Variants in NTN4 observed in about 807,000 individuals in gnomAD.
NTN4 encodes netrin 4.
Under a neutral mutation model 73.6 loss-of-function variants are expected in NTN4, and 32 were observed. The ratio of observed to expected loss-of-function variants is 0.44; its 90% CI spans 0.33 to 0.58. The LOEUF is 0.58. NTN4 is among the 20% of genes least tolerant of loss of function. The pLI is 0.04. For synonymous variants in NTN4, 258 were observed against 287.5 expected (o/e 0.90, Z 1.04); for missense variants, 654 against 798.3 (o/e 0.82, Z 2.18).
intron 2 of NTN4, among the ~76,000 whole-genome samples, chr12:95,785,470 T>C (rs2079160360): frequency 6.6e-6 from 1 of 152,228 alleles, no homozygotes; most frequent in Non-Finnish European, 1.5e-5. Flanking sequence ...TTGGGGACCA[T>C]GAAGAATGGA....
chr12:95,724,052 G>C (rs1000389697), intron 3 of NTN4, among the ~76,000 whole-genome samples: 1 of 152,116 alleles, frequency 6.6e-6, no homozygotes, highest in Middle Eastern at 3.4e-3. Context: ...AATACTTGAG[G>C]ATTTACTTCT....
At chr12:95,775,570 A>C (rs1413804447) in intron 2 of NTN4, among the ~76,000 whole-genome samples, 1 of 152,240 alleles carries the variant, frequency 6.6e-6, no homozygotes, top group Admixed American at 6.5e-5. Context: ...ACGCCCACAG[A>C]GCCTCACTCA....
chr12:95,665,704 A>T, intron 9 of NTN4, 106 bp downstream of exon 9: 1 of 794,062 alleles, frequency 1.3e-6, no homozygotes, highest in Non-Finnish European at 2.0e-6. Context: ...TGAAAGGGAG[A>T]GATGTTCTTG....
At chr12:95,692,851 G>A (rs2078411189) in intron 5 of NTN4, among the ~76,000 whole-genome samples, 1 of 152,204 alleles carries the variant, frequency 6.6e-6, no homozygotes, top group Non-Finnish European at 1.5e-5. Flanking sequence ...TTCTGGTGAT[G>A]AGGCTTATTA....
At chr12:95,753,664 A>C (rs2078926678) in intron 2 of NTN4, among the ~76,000 whole-genome samples, 1 of 151,388 alleles carries the variant, frequency 6.6e-6, no homozygotes, top group Non-Finnish European at 1.5e-5. Flanking sequence ...CTTCAAGAAA[A>C]GTAGAACGGA....
At chr12:95,767,844 T>C (rs2079030729) in intron 2 of NTN4, among the ~76,000 whole-genome samples, 1 of 152,180 alleles carries the variant, frequency 6.6e-6, no homozygotes, top group South Asian at 2.1e-4. Flanking sequence ...ATACTGGGAA[T>C]AGAGCCTGTG....
At chr12:95,662,883 C>T (rs1454185998) in intron 9 of NTN4, among the ~76,000 whole-genome samples, 5 of 152,030 alleles carry the variant, frequency 3.3e-5, no homozygotes, top group South Asian at 4.2e-4. Context: ...TTTGGGAGGC[C>T]GAGGTGGGAG....
At chr12:95,725,677 G>T (rs1264640242) in intron 3 of NTN4, among the ~76,000 whole-genome samples, 1 of 152,062 alleles carries the variant, frequency 6.6e-6, no homozygotes, top group African/African-American at 2.4e-5. Context: ...AGTTACTAGG[G>T]CATGTTGTCT....
chr12:95,705,891 T>G lies in NTN4; in HGVS notation c.1180+4550A>C, dbSNP rs1179331879. On this transcript the variant is annotated intron_variant, in intron 5 of 9. Transcript: ENST00000343702. Reference sequence around the variant, plus strand: ...TAGCACACCTAGCACATAGTAGCACTGAGTAAGAATGAGTTGAGTGAAGGA... The same window carrying G: ...TAGCACACCTAGCACATAGTAGCACGGAGTAAGAATGAGTTGAGTGAAGGA... Among the ~76,000 whole-genome samples, 2 of 152,228 alleles carry G rather than the reference T, an allele frequency of 1.3e-5. 1 individual carries two copies. The highest frequency in any genetic ancestry group is 1.3e-4 in the Admixed American group (2 of 15,282).
intron 3 of NTN4, among the ~76,000 whole-genome samples, chr12:95,736,755 A>G (rs2078780914): frequency 6.6e-6 from 1 of 152,196 alleles, no homozygotes; most frequent in Admixed American, 6.5e-5. Flanking sequence ...TACAAGTAAT[A>G]GCACTGTTTC....
chr12:95,775,322 TGGACAGTGGGTGCA>T (rs1208333448), intron 2 of NTN4, among the ~76,000 whole-genome samples: 2 of 151,976 alleles, frequency 1.3e-5, no homozygotes, highest in Non-Finnish European at 1.5e-5. Flanking sequence ...TGGGGCTTGT[TGGACAGTGGGTGCA>T]GGACAGTGGG....
intron 7 of NTN4, among the ~76,000 whole-genome samples, chr12:95,682,057 CTTTTTTTTTT>C (rs557973212): frequency 3.1e-5 from 2 of 64,546 alleles, no homozygotes; most frequent in African/African-American, 1.4e-4. Context: ...ATTCAGTAGG[CTTTTTTTTTT>C]TTTTTTTTTT....
chr12:95,787,860 T>C (rs542669349), intron 1 of NTN4, among the ~76,000 whole-genome samples: 385 of 152,360 alleles, frequency 2.5e-3, no homozygotes, highest in African/African-American at 8.9e-3. Flanking sequence ...GATGTGTTTT[T>C]GAAGTCATGA....
In NTN4 at chr12:95,664,464, T is replaced by C. The variant is rs74887532; in HGVS notation, c.1750+1346A>G. Among the ~76,000 whole-genome samples, 48 of 152,282 alleles carry C rather than the reference T, an allele frequency of 3.2e-4. 1 individual carries two copies. In the East Asian group the frequency reaches 8.9e-3, roughly 28 times the overall value. On this transcript the variant is annotated intron_variant, in intron 9 of 9. Coordinates refer to ENST00000343702, the MANE Select transcript of NTN4 (RefSeq NM_021229.4). ...AAAGGGTAGAAAAGGATGTGAGAGATTGGTCAACACTTGGCCAAAATCAAA... is the reference window on the plus strand; with the variant it reads ...AAAGGGTAGAAAAGGATGTGAGAGACTGGTCAACACTTGGCCAAAATCAAA...
At position 95,789,573 on chromosome 12, in the gene NTN4, G is replaced by T. The variant is rs908418197; in HGVS notation, c.55+682C>A. Among the ~76,000 whole-genome samples, 29 of 152,138 alleles carry T rather than the reference G, an allele frequency of 1.9e-4. No homozygotes were observed. The highest frequency in any genetic ancestry group is 6.8e-4 in the African/African-American group (28 of 41,420). ...TGGGAGGGAGAGGGCATCTGCCGAC[G>T]CCGACGCCGGTTGTCCAGTTACCGA... On this transcript the variant is annotated intron_variant, in intron 1 of 9. Transcript: ENST00000343702. The surrounding 1 kb of genome is among the most constrained non-coding windows in gnomAD (Gnocchi z 4.0).
intron 2 of NTN4, among the ~76,000 whole-genome samples, chr12:95,766,447 G>A (rs79609031): frequency 0.032 from 4,926 of 152,228 alleles, 268 homozygotes; most frequent in East Asian, 0.28. Flanking sequence ...AACATTTCAT[G>A]GGATGAGAAA....
At chr12:95,775,256 GAC>G (rs1565916692) in intron 2 of NTN4, among the ~76,000 whole-genome samples, 1 of 152,218 alleles carries the variant, frequency 6.6e-6, no homozygotes, top group Non-Finnish European at 1.5e-5. Context: ...CAGTGTGAGT[GAC>G]ACAGAAGACG....
chr12:95,685,406 C>T (rs1157833097), intron 5 of NTN4, among the ~76,000 whole-genome samples: 1 of 152,150 alleles, frequency 6.6e-6, no homozygotes, highest in African/African-American at 2.4e-5. Flanking sequence ...GACGGCTCTG[C>T]CTCCCAGAGC....
At chr12:95,736,279 T>C (rs2078777205) in intron 3 of NTN4, among the ~76,000 whole-genome samples, 2 of 152,066 alleles carry the variant, frequency 1.3e-5, no homozygotes, top group African/African-American at 2.4e-5. Flanking sequence ...TCTGGCACTT[T>C]GTTGTGGTTG....
Sources: gnomAD v4.1 joint callset for allele counts (sites outside exome capture counted in the v4.1 genomes callset) on GRCh38, gnomAD v4.1.1 for gene constraint, Gnocchi (gnomAD v3.1) non-coding constraint, MANE v1.5 for transcripts, NCBI Gene and HGNC (gene_info 2026-07-23, HGNC 2026-07-21) for gene names.